The following TNIK variants were observed in gnomAD, a reference collection of about 807,000 sequenced individuals.
TNIK encodes the protein TRAF2 and NCK-interacting protein kinase.
Under a neutral mutation model 191.3 loss-of-function variants are expected in TNIK, and 49 were observed. That is an observed-to-expected ratio of 0.26 (90% CI 0.20 to 0.32). TNIK has a LOEUF of 0.32. Among genes scored for constraint, TNIK ranks in the 10% least tolerant of loss-of-function variants. The probability of loss-of-function intolerance (pLI) is 1.00; values close to 1 mark genes in which losing one functional copy is unlikely to be tolerated. For missense variants in TNIK, 1,155 were observed against 1,702.3 expected, an observed-to-expected ratio of 0.68 and a Z score of 5.66; for synonymous variants, 594 against 600.9, an observed-to-expected ratio of 0.99 and a Z score of 0.17.
chr3:171,132,432 T>A (rs1261319215), intron 15 of TNIK, among the ~76,000 whole-genome samples: 3 of 152,218 alleles, frequency 2.0e-5, no homozygotes, highest in African/African-American at 7.2e-5. Flanking sequence ...GAAATAAAAT[T>A]CTGCTCTAGA....
At chr3:171,448,782 C>T (rs569024864) in intron 1 of TNIK, among the ~76,000 whole-genome samples, 128 of 151,978 alleles carry the variant, frequency 8.4e-4, no homozygotes, top group African/African-American at 1.8e-3. Context: ...CTTTGAGTTC[C>T]GGGATACATG....
In TNIK at chr3:171,125,938, G is replaced by C. The variant is rs1463704297; in HGVS notation, c.1987C>G (p.Arg663Gly). The change falls in exon 17 of 33, where the codon CGA (arginine) becomes GGA (glycine). Residue 663 changes from arginine (R) to glycine (G), a missense_variant. Transcript: ENST00000436636. Reference sequence around the variant, plus strand: ...TTTGGTGGAATGTCTTCTTCCTGTCGTAACCAAGAGCTTCGGTCAAACTTT... The same window carrying C: ...TTTGGTGGAATGTCTTCTTCCTGTCCTAACCAAGAGCTTCGGTCAAACTTT... ...IEKFDRSSWL[R>G]QEEDIPPKVP... 8.7e-6 allele frequency: 14 copies of C among 1,613,900 alleles called. No homozygotes were observed. Among genetic ancestry groups the C allele is most frequent in the African/African-American group, 1.3e-5 (1 of 75,018 alleles).
chr3:171,285,844 C>G (rs1750949259), intron 2 of TNIK, among the ~76,000 whole-genome samples: 1 of 152,112 alleles, frequency 6.6e-6, no homozygotes, highest in Admixed American at 6.5e-5. Context: ...TGGGGCAGGC[C>G]CCAGGCCTTG....
In TNIK at chr3:171,187,416, G is replaced by A. The variant is rs142911116; in HGVS notation, c.639+1286C>T. The stretch of plus-strand genomic sequence containing the variant: ...GAGGAAATTTATGGGAGATTATTAG[G>A]TTTTCAGACCTTCAAGCTTGCAATT... On this transcript the variant is annotated intron_variant, in intron 7 of 32. Coordinates refer to ENST00000436636, the MANE Select transcript of TNIK (RefSeq NM_015028.4). 5.2e-3 allele frequency among the ~76,000 whole-genome samples: 795 copies of A among 152,154 alleles called. 8 individuals are homozygous for A. The highest frequency in any genetic ancestry group is 8.4e-3 in the Non-Finnish European group (570 of 67,988).
rs752782603 is a variant in TNIK at position 171,128,888 on chromosome 3, A to C, written c.1609-10T>G. On this transcript the variant is annotated splice_polypyrimidine_tract_variant and intron_variant, in intron 15 of 32. Transcript: ENST00000436636. The stretch of plus-strand genomic sequence containing the variant: ...TTGACCGTTCTTCTACCTACAACCC[A>C]AAAAAAAAAAAAAAAAAAAGACAGC... The C allele has an allele frequency of 3.6e-4, 71 of 195,038 alleles. No homozygotes were observed. Among genetic ancestry groups the C allele is most frequent in the East Asian group, 2.8e-3 (14 of 5,056 alleles). 12.1% of individuals were successfully genotyped at this position (195,038 alleles called of 1,614,324 possible).
At chr3:171,138,101 C>A (rs1730294475) in intron 15 of TNIK, 90 bp downstream of exon 15, 1 of 1,242,814 alleles carries the variant, frequency 8.0e-7, no homozygotes, top group Non-Finnish European at 1.0e-6. Context: ...TCCAACTTTG[C>A]AGCACTGGGT....
At chr3:171,446,293 T>C (rs1727486054) in intron 1 of TNIK, among the ~76,000 whole-genome samples, 3 of 152,216 alleles carry the variant, frequency 2.0e-5, no homozygotes, top group Admixed American at 1.3e-4. Flanking sequence ...ATTATTATTG[T>C]TTAAATACAG....
At chr3:171,156,570 G>C (rs186519673) in intron 12 of TNIK, among the ~76,000 whole-genome samples, 1 of 152,332 alleles carries the variant, frequency 6.6e-6, no homozygotes, top group African/African-American at 2.4e-5. Flanking sequence ...TAATTGTCTA[G>C]AGGCTTTGAT....
chr3:171,336,195 T>C (rs1756936929), intron 2 of TNIK, among the ~76,000 whole-genome samples: 3 of 152,168 alleles, frequency 2.0e-5, no homozygotes, highest in African/African-American at 7.2e-5. Flanking sequence ...AAATGGGTTT[T>C]TGTTTTCCTC....
At chr3:171,279,244 A>G (rs901322475) in intron 2 of TNIK, among the ~76,000 whole-genome samples, 1 of 152,202 alleles carries the variant, frequency 6.6e-6, no homozygotes, top group African/African-American at 2.4e-5. Context: ...CTACCAAGAC[A>G]TATTTTTAAT....
intron 1 of TNIK, among the ~76,000 whole-genome samples, chr3:171,377,541 C>T (rs969868537): frequency 6.6e-6 from 1 of 152,166 alleles, no homozygotes; most frequent in Non-Finnish European, 1.5e-5. Context: ...TTGGGATAGG[C>T]CATAGCCTAA....
chr3:171,132,416 G>A (rs564695207), intron 15 of TNIK, among the ~76,000 whole-genome samples: 1 of 152,170 alleles, frequency 6.6e-6, no homozygotes, highest in African/African-American at 2.4e-5. Flanking sequence ...AATAACTGTG[G>A]TCTCAGAAAT....
rs775152419 is a variant in TNIK at position 171,101,520 on chromosome 3, C to G, written c.2520G>C (p.Glu840Asp). The change falls in exon 22 of 33, where the codon GAG becomes GAC. Residue 840 changes from glutamate to aspartate, a missense_variant. By Grantham distance (45) the Glu-to-Asp change is conservative (BLOSUM62 2). Coordinates refer to ENST00000436636, the MANE Select transcript of TNIK (RefSeq NM_015028.4). Reference sequence around the variant, plus strand: ...CGCTCTCTCCATCTTCCTCCTCTTCCTCGCTACTTTCTGACTCCTCACTGG... The same window carrying G: ...CGCTCTCTCCATCTTCCTCCTCTTCGTCGCTACTTTCTGACTCCTCACTGG... ...SSSSEESESS[E>D]EEEEDGESET... 126 of 1,613,518 alleles carry G rather than the reference C, an allele frequency of 7.8e-5. No homozygotes were observed. Among genetic ancestry groups the G allele is most frequent in the Non-Finnish European group, 1.1e-4 (124 of 1,179,642 alleles).
chr3:171,266,191 G>A (rs780243857), intron 2 of TNIK, among the ~76,000 whole-genome samples: 3 of 152,200 alleles, frequency 2.0e-5, no homozygotes, highest in Non-Finnish European at 4.4e-5. Flanking sequence ...TTCCACAGTT[G>A]AGATCATTGT....
chr3:171,242,030 G>A (rs546753799), intron 2 of TNIK, among the ~76,000 whole-genome samples: 1 of 151,834 alleles, frequency 6.6e-6, no homozygotes, highest in African/African-American at 2.4e-5. Context: ...TGGGGGGAAG[G>A]GGGAGGGATA....
chr3:171,454,229 C>G (rs1320417427), intron 1 of TNIK, among the ~76,000 whole-genome samples: 1 of 152,158 alleles, frequency 6.6e-6, no homozygotes, highest in African/African-American at 2.4e-5. Context: ...ATGATTCAAT[C>G]ACAGGAGCGC....
rs1335605618 is a variant in TNIK at position 171,351,271 on chromosome 3, ATG to A, written c.123+18347_123+18348del. 2.6e-3 allele frequency among the ~76,000 whole-genome samples: 395 copies of A among 150,358 alleles called. 1 individual carries two copies. The highest frequency in any genetic ancestry group is 4.2e-3 in the Non-Finnish European group (282 of 67,554). ...AGAAAATATATATATATATGTATAT[ATG>A]TGTGTGTGTGTGTGTATGAATGCAT... On this transcript the variant is annotated intron_variant, in intron 2 of 32. Transcript: ENST00000436636.
In TNIK at chr3:171,068,968, C is replaced by T. The variant is rs777220759; in HGVS notation, c.3579G>A (p.Leu1193=). Residue 1193 remains leucine, a synonymous_variant, in exon 30 of 33, where the codon CTG becomes CTA. Transcript: ENST00000436636. Reference sequence around the variant, plus strand: ...CTTCTTCTACCGTGAGATCAACTAGCAGAGGCTTGTGCTGGAGATCTGCAA... The same window carrying T: ...CTTCTTCTACCGTGAGATCAACTAGTAGAGGCTTGTGCTGGAGATCTGCAA... ...KSFADLQHKP[L]LVDLTVEEGQ... 1.9e-6 allele frequency: 3 copies of T among 1,613,460 alleles called. No individual in the cohort carries two copies. Among genetic ancestry groups the T allele is most frequent in the East Asian group, 2.2e-5 (1 of 44,854 alleles).
chr3:171,413,485 T>C (rs1019020682), intron 1 of TNIK, among the ~76,000 whole-genome samples: 1 of 152,150 alleles, frequency 6.6e-6, no homozygotes, highest in African/African-American at 2.4e-5. Context: ...CCTCTGCATC[T>C]TTGCACTGGC....
Sources: gnomAD v4.1 joint callset for allele counts (sites outside exome capture counted in the v4.1 genomes callset) on GRCh38, gnomAD v4.1.1 for gene constraint, MANE v1.5 for transcripts, NCBI Gene and HGNC (gene_info 2026-07-23, HGNC 2026-07-21) for gene names.